The following FKBP5 variants were observed in gnomAD, a reference collection of about 807,000 sequenced individuals.
FKBP5 encodes the protein FKBP prolyl isomerase 5.
FKBP5 carries 23 observed loss-of-function variants against 50.5 expected under a neutral mutation model. That is an observed-to-expected ratio of 0.46 (90% CI 0.33 to 0.65). The LOEUF is 0.65. FKBP5 is among the 30% of genes least tolerant of loss of function. The pLI is 0.02. For synonymous variants in FKBP5, 176 were observed against 190.6 expected, an observed-to-expected ratio of 0.92 and a Z score of 0.63; for missense variants, 411 against 553.1, an observed-to-expected ratio of 0.74 and a Z score of 2.58.
rs756170182 is a variant in FKBP5 at position 35,588,525 on chromosome 6, AT to A, written c.757-1409del. On this transcript the variant is annotated intron_variant, in intron 7 of 10. Transcript: ENST00000357266. ...TTAGGTTGGCTTCAGTCTTTATGGA[AT>A]TTTTTTTTATTTTTTCTTTTTCTAA... Among the ~76,000 whole-genome samples, 6 of 151,550 alleles carry A rather than the reference AT, an allele frequency of 4.0e-5. No individual in the cohort carries two copies. In the South Asian group the frequency reaches 6.3e-4, roughly 16 times the overall value.
chr6:35,711,210 G>A (rs1766406286), intron 2 of FKBP5, among the ~76,000 whole-genome samples: 1 of 151,878 alleles, frequency 6.6e-6, no homozygotes, highest in Admixed American at 6.6e-5. Flanking sequence ...CCAGCTACTT[G>A]GGAGGCTGAA....
intron 1 of FKBP5, among the ~76,000 whole-genome samples, chr6:35,722,795 T>A (rs1163582891): frequency 2.6e-5 from 4 of 152,196 alleles, no homozygotes; most frequent in Admixed American, 2.6e-4. Context: ...TCCCAAGACA[T>A]TATAATGATC....
chr6:35,627,646 G>A (rs1435111703), intron 3 of FKBP5, among the ~76,000 whole-genome samples: 1 of 152,106 alleles, frequency 6.6e-6, no homozygotes, highest in East Asian at 1.9e-4. Context: ...AATTTATGAT[G>A]TACAGTAATT....
intron 1 of FKBP5, among the ~76,000 whole-genome samples, chr6:35,663,422 T>C (rs1023744526): frequency 6.6e-6 from 1 of 152,218 alleles, no homozygotes; most frequent in Non-Finnish European, 1.5e-5. Context: ...ACTGAGGCAT[T>C]TTTAAGAAAA....
At chr6:35,614,637 G>A (rs948506821) in intron 5 of FKBP5, among the ~76,000 whole-genome samples, 1 of 152,134 alleles carries the variant, frequency 6.6e-6, no homozygotes, top group Non-Finnish European at 1.5e-5. Flanking sequence ...TTTGTCACAG[G>A]GGTCTAGGTT....
At position 35,615,653 on chromosome 6, in the gene FKBP5, A is replaced by C. The variant is rs114286420; in HGVS notation, c.508+3443T>G. ...TAGGATTCAAATTAATGTAGAGAGA[A>C]TAACAGCAATAGAAAATTTACCATT... is the stretch of plus-strand genomic sequence containing the variant. On this transcript the variant is annotated intron_variant, in intron 5 of 10. Transcript: ENST00000357266. Among the ~76,000 whole-genome samples the C allele has an allele frequency of 3.8e-3, 584 of 152,362 alleles. 4 individuals carry two copies. Among genetic ancestry groups the C allele is most frequent in the African/African-American group, 0.014 (562 of 41,586 alleles).
At chr6:35,582,128 C>T (rs1762451115) in intron 8 of FKBP5, 3 of 985,200 alleles carry the variant, frequency 3.0e-6, no homozygotes, top group Non-Finnish European at 3.6e-6. Context: ...AGGCTACATC[C>T]CTCGAACATC....
chr6:35,653,732 C>A (rs1764875659), intron 1 of FKBP5, among the ~76,000 whole-genome samples: 1 of 151,942 alleles, frequency 6.6e-6, no homozygotes, highest in Non-Finnish European at 1.5e-5. Context: ...ATCAGTATAT[C>A]CATATTAAAA....
chr6:35,725,128 C>T (rs1766678708), intron 1 of FKBP5, among the ~76,000 whole-genome samples: 1 of 152,136 alleles, frequency 6.6e-6, no homozygotes, highest in Non-Finnish European at 1.5e-5. Context: ...ATATCTAAGC[C>T]ACTTTGAGGA....
chr6:35,636,906 C>T, intron 3 of FKBP5, 108 bp downstream of exon 3: 1 of 1,008,212 alleles, frequency 9.9e-7, no homozygotes. Context: ...TTGAGTACTA[C>T]TACTCTAAAA....
chr6:35,688,673 T>C (rs1049590771), intron 1 of FKBP5, 131 bp downstream of exon 1: 5 of 150,824 alleles, frequency 3.3e-5, no homozygotes, highest in African/African-American at 1.2e-4. Flanking sequence ...ACGCGGCTCC[T>C]GGGCTGCGAA....
At chr6:35,607,083 G>A (rs973932090) in intron 5 of FKBP5, among the ~76,000 whole-genome samples, 2 of 151,878 alleles carry the variant, frequency 1.3e-5, no homozygotes, top group African/African-American at 2.4e-5. Context: ...GACTACAGGC[G>A]CCCACCACCA....
chr6:35,693,163 CT>C (rs71002590), upstream of FKBP5, among the ~76,000 whole-genome samples: 77 of 109,790 alleles, frequency 7.0e-4, no homozygotes, highest in African/African-American at 1.8e-3. Context: ...TTCTCTCTCT[CT>C]TTTTTTTTTT....
intron 1 of FKBP5, among the ~76,000 whole-genome samples, chr6:35,727,477 C>T (rs1042310979): frequency 1.3e-5 from 2 of 152,214 alleles, no homozygotes; most frequent in African/African-American, 4.8e-5. Context: ...AGTGTCTGGG[C>T]TCTCCCTACT....
chr6:35,669,795 C>G lies in FKBP5; in HGVS notation c.-20+19009G>C, dbSNP rs537737698. Among the ~76,000 whole-genome samples, 7 of 152,272 alleles carry G rather than the reference C, an allele frequency of 4.6e-5. No individual in the cohort carries two copies. In the South Asian group the frequency reaches 1.4e-3, roughly 32 times the overall value. Reference sequence around the variant, plus strand: ...AACAAACCTCTTATAACTTATGACTCAGAAAAAGTTTCTCTCTTCTGAAAA... The same window carrying G: ...AACAAACCTCTTATAACTTATGACTGAGAAAAAGTTTCTCTCTTCTGAAAA... On this transcript the variant is annotated intron_variant, in intron 1 of 10. Coordinates refer to ENST00000357266, the MANE Select transcript of FKBP5 (RefSeq NM_004117.4).
At chr6:35,697,871 A>T (rs928932884) in intron 2 of FKBP5, among the ~76,000 whole-genome samples, 9 of 152,236 alleles carry the variant, frequency 5.9e-5, no homozygotes, top group African/African-American at 2.2e-4. Flanking sequence ...AAGTGGGTGA[A>T]CTGTATGGTA....
upstream of FKBP5, among the ~76,000 whole-genome samples, chr6:35,692,488 G>A (rs1192380014): frequency 6.6e-6 from 1 of 152,110 alleles, no homozygotes; most frequent in African/African-American, 2.4e-5. Flanking sequence ...AGGCAGCTTT[G>A]TACATTAAGG....
chr6:35,724,742 T>G (rs1406881277), intron 1 of FKBP5, among the ~76,000 whole-genome samples: 2 of 145,800 alleles, frequency 1.4e-5, no homozygotes, highest in African/African-American at 2.6e-5. Flanking sequence ...GGCAACAGGG[T>G]GAGACCTTGT....
intron 1 of FKBP5, chr6:35,651,908 G>T: frequency 1.7e-6 from 2 of 1,150,100 alleles, no homozygotes; most frequent in African/African-American, 1.6e-5. Context: ...AGAACTCATT[G>T]TTCAGTATGA....
Sources: allele counts gnomAD v4.1 joint callset (sites outside exome capture counted in the v4.1 genomes callset), GRCh38; gene constraint gnomAD v4.1.1; transcripts MANE v1.5; gene names NCBI Gene and HGNC (gene_info 2026-07-23, HGNC 2026-07-21).